STK39: variants seen among roughly 807,000 people sequenced by gnomAD.
STK39 encodes the protein serine/threonine kinase 39.
Under a neutral mutation model 77.8 loss-of-function variants are expected in STK39, and 20 were observed. That is an observed-to-expected ratio of 0.26 (90% CI 0.18 to 0.37). STK39 has a LOEUF of 0.37. Ranked by LOEUF, STK39 falls within the 10% of genes least tolerant of loss-of-function variation. STK39 has a pLI of 1.00. For synonymous variants in STK39, 246 were observed against 234.1 expected (o/e 1.05, Z -0.47); for missense variants, 479 against 656.5 (o/e 0.73, Z 2.95).
chr2:168,206,943 G>A (rs1689758383), intron 1 of STK39, among the ~76,000 whole-genome samples: 2 of 152,010 alleles, frequency 1.3e-5, no homozygotes, highest in Admixed American at 1.3e-4. Flanking sequence ...AAACAAGCTG[G>A]GTTCACAATA....
intron 17 of STK39, among the ~76,000 whole-genome samples, chr2:167,956,944 G>A (rs866205087): frequency 4.6e-5 from 7 of 152,034 alleles, no homozygotes; most frequent in Middle Eastern, 3.4e-3. Context: ...CCATGGAAAC[G>A]TGCCCTTTCC....
At chr2:168,119,590 T>C (rs1412152032) in intron 10 of STK39, among the ~76,000 whole-genome samples, 1 of 152,170 alleles carries the variant, frequency 6.6e-6, no homozygotes, top group Non-Finnish European at 1.5e-5. Context: ...CATGGCTCAG[T>C]AGGGACCTAA....
At chr2:168,029,442 T>C (rs148106140) in intron 14 of STK39, among the ~76,000 whole-genome samples, 1 of 152,354 alleles carries the variant, frequency 6.6e-6, no homozygotes, top group East Asian at 1.9e-4. Context: ...GCCTTTTTCA[T>C]ATAAATGTCT....
At chr2:168,247,198 T>G (rs1195267736) in intron 1 of STK39, 30 bp downstream of exon 1, 36 of 1,166,638 alleles carry the variant, frequency 3.1e-5, no homozygotes, top group Non-Finnish European at 3.8e-5. Flanking sequence ...GCCCGGCCTG[T>G]GCCGGCCCCG....
intron 15 of STK39, among the ~76,000 whole-genome samples, chr2:168,012,950 C>T (rs541514105): frequency 4.7e-4 from 71 of 152,328 alleles, no homozygotes; most frequent in African/African-American, 1.5e-3. Flanking sequence ...AACTAAAAAA[C>T]TTGTGCCCTC....
At chr2:168,220,294 C>T (rs1690135139) in intron 1 of STK39, among the ~76,000 whole-genome samples, 6 of 152,062 alleles carry the variant, frequency 3.9e-5, no homozygotes, top group Admixed American at 3.9e-4. Flanking sequence ...AAGCAACACA[C>T]ATGTACTGAA....
chr2:168,015,451 C>T (rs1486869130), intron 15 of STK39, among the ~76,000 whole-genome samples: 1 of 152,184 alleles, frequency 6.6e-6, no homozygotes, highest in Non-Finnish European at 1.5e-5. Flanking sequence ...TGTGCTCTGC[C>T]ACCCAGTGAA....
At chr2:168,135,924 A>T (rs1184557858) in intron 8 of STK39, among the ~76,000 whole-genome samples, 1 of 151,958 alleles carries the variant, frequency 6.6e-6, no homozygotes. Flanking sequence ...TTTTTAAGAG[A>T]GTGGTCTCTG....
intron 2 of STK39, among the ~76,000 whole-genome samples, chr2:168,173,559 T>TTATTTATG (rs63066263): frequency 0.26 from 39,619 of 151,678 alleles, 5,800 homozygotes; most frequent in East Asian, 0.56. Flanking sequence ...ATATTTATAT[T>TTATTTATG]TATTTATTCA....
intron 1 of STK39, among the ~76,000 whole-genome samples, chr2:168,203,984 A>G (rs978653880): frequency 5.3e-5 from 8 of 152,214 alleles, no homozygotes; most frequent in Admixed American, 1.3e-4. Flanking sequence ...AGAAAGGGGG[A>G]AAAACACAGA....
intron 16 of STK39, among the ~76,000 whole-genome samples, chr2:167,973,055 ATT>A (rs1692393679): frequency 6.6e-6 from 1 of 152,146 alleles, no homozygotes; most frequent in African/African-American, 2.4e-5. Context: ...CAAATAAAAA[ATT>A]TGTCTGTGTA....
intron 8 of STK39, among the ~76,000 whole-genome samples, chr2:168,130,827 T>C (rs1559111821): frequency 6.6e-6 from 1 of 152,170 alleles, no homozygotes; most frequent in Non-Finnish European, 1.5e-5. Flanking sequence ...AAGAATCAAA[T>C]AACGGGAGTA....
In STK39 at chr2:167,957,008, T is replaced by G. The variant is rs61485322; in HGVS notation, c.1564-1438A>C. ...GCTTGTATACATTTAGAATATGTAC[T>G]ATACTGTTTTTTGAACTGTACTGTT... On this transcript the variant is annotated intron_variant, in intron 17 of 17. Coordinates refer to ENST00000355999, the MANE Select transcript of STK39 (RefSeq NM_013233.3). Among the ~76,000 whole-genome samples, 954 of 151,814 alleles carry G rather than the reference T, an allele frequency of 6.3e-3. 12 individuals carry two copies. Among genetic ancestry groups the G allele is most frequent in the African/African-American group, 0.022 (895 of 41,118 alleles).
chr2:168,175,846 C>T (rs757108940), intron 2 of STK39, among the ~76,000 whole-genome samples: 10 of 152,030 alleles, frequency 6.6e-5, no homozygotes, highest in East Asian at 1.9e-4. Flanking sequence ...TTGAAATGCT[C>T]GAAATAGTAC....
rs1027797240 is a variant in STK39, at chr2:168,162,084, G to C, written c.573-242C>G. On this transcript the variant is annotated intron_variant, in intron 4 of 17. Coordinates refer to ENST00000355999, the MANE Select transcript of STK39 (RefSeq NM_013233.3). ...GTGGAGCACCTGAGGTCAGGAGTTCGAGACCAGCCTGGAAAAAATGGTGAA... is the reference window on the plus strand; with the variant it reads ...GTGGAGCACCTGAGGTCAGGAGTTCCAGACCAGCCTGGAAAAAATGGTGAA... 2.6e-5 allele frequency among the ~76,000 whole-genome samples: 4 copies of C among 152,070 alleles called. No homozygotes were observed. In the East Asian group the frequency reaches 7.7e-4, roughly 29 times the overall value.
chr2:167,964,698 A>C lies in STK39; in HGVS notation c.1527T>G (p.Asp509Glu). Reference protein sequence around the residue: ...IVAANLQKIVDDPKALKTLTF... With the variant: ...IVAANLQKIVEDPKALKTLTF... Reference sequence around the variant, plus strand: ...TCAATGTTTTTAAAGCTTTGGGATCATCTACAATCTTCTGTAAATTAGCAG... The same window carrying C: ...TCAATGTTTTTAAAGCTTTGGGATCCTCTACAATCTTCTGTAAATTAGCAG... The change falls in exon 17 of 18, where the codon GAT becomes GAG. Residue 509 changes from aspartate to glutamate, a missense_variant. Asp to Glu is a conservative substitution (Grantham distance 45). Around this residue, in one of 3 missense-constraint regions of STK39, gnomAD observed 244 missense variants for 296.8 expected, o/e 0.82. Transcript: ENST00000355999. 6.2e-7 allele frequency: 1 copy of C among 1,611,682 alleles called. No individual in the cohort carries two copies. The highest frequency in any genetic ancestry group is 1.3e-5 in the African/African-American group (1 of 75,014).
intron 10 of STK39, among the ~76,000 whole-genome samples, chr2:168,099,194 AAG>A (rs1686754926): frequency 6.6e-6 from 1 of 152,222 alleles, no homozygotes; most frequent in African/African-American, 2.4e-5. Context: ...CCCCAGAACC[AAG>A]AGAGACAATA....
chr2:167,988,592 A>G (rs189700894), intron 16 of STK39, among the ~76,000 whole-genome samples: 1 of 152,016 alleles, frequency 6.6e-6, no homozygotes, highest in African/African-American at 2.4e-5. Flanking sequence ...CATGTCTTTT[A>G]TCCTGCTTTA....
At chr2:167,995,030 A>G (rs1683797188) in intron 16 of STK39, among the ~76,000 whole-genome samples, 2 of 151,864 alleles carry the variant, frequency 1.3e-5, no homozygotes, top group Admixed American at 6.6e-5. Context: ...TGAAGTCTAC[A>G]GTATTTTACA....
Sources: allele counts gnomAD v4.1 joint callset (sites outside exome capture counted in the v4.1 genomes callset), GRCh38; gene constraint gnomAD v4.1.1; regional missense constraint gnomAD v4.1.1; transcripts MANE v1.5; gene names NCBI Gene and HGNC (gene_info 2026-07-23, HGNC 2026-07-21).